CSMD1: variants seen among roughly 807,000 people sequenced by gnomAD.
CSMD1 encodes the protein CUB and Sushi multiple domains 1.
A neutral mutation model predicts 417.5 loss-of-function variants in CSMD1; 213 were observed. That is an observed-to-expected ratio of 0.51 (90% CI 0.46 to 0.57). CSMD1 has a LOEUF of 0.57. Among genes scored for constraint, CSMD1 ranks in the 20% least tolerant of loss-of-function variants. CSMD1 has a pLI of 0.00. For synonymous variants in CSMD1, 2,862 were observed against 1,736.8 expected, an observed-to-expected ratio of 1.65 and a Z score of -16.11; for missense variants, 6,923 against 4,529.7, an observed-to-expected ratio of 1.53 and a Z score of -15.17.
chr8:3,721,428 C>A (rs1360399579), intron 6 of CSMD1, among the ~76,000 whole-genome samples: 1 of 152,100 alleles, frequency 6.6e-6, no homozygotes, highest in Admixed American at 6.6e-5. Flanking sequence ...CCTCAGAAAA[C>A]ATCAAACAGT....
At chr8:4,046,996 G>A (rs757389001) in intron 3 of CSMD1, among the ~76,000 whole-genome samples, 1 of 152,160 alleles carries the variant, frequency 6.6e-6, no homozygotes, top group Non-Finnish European at 1.5e-5. Context: ...AACCCTCCCT[G>A]ATGCATGACT....
chr8:3,851,316 A>G (rs74619559), intron 5 of CSMD1, among the ~76,000 whole-genome samples: 4,866 of 152,318 alleles, frequency 0.032, 126 homozygotes, highest in African/African-American at 0.076. Context: ...TTACACACAT[A>G]AAAGTGGGAA....
intron 3 of CSMD1, among the ~76,000 whole-genome samples, chr8:4,178,811 T>A (rs1479671329): frequency 1.3e-5 from 2 of 151,906 alleles, no homozygotes; most frequent in Non-Finnish European, 2.9e-5. Context: ...AAATCAGGAG[T>A]GAACTCCCAT....
At chr8:4,226,931 T>C (rs533273015) in intron 3 of CSMD1, among the ~76,000 whole-genome samples, 240 of 152,362 alleles carry the variant, frequency 1.6e-3, no homozygotes, top group Non-Finnish European at 2.8e-3. Context: ...TTTCTGTTTT[T>C]ATTTCATAAG....
In CSMD1 at chr8:4,140,391, C is replaced by T. The variant is rs188843478; in HGVS notation, c.416-108292G>A. Among the ~76,000 whole-genome samples the T allele has an allele frequency of 1.3e-3, 197 of 150,844 alleles. 12 individuals carry two copies. The highest frequency in any genetic ancestry group is 4.5e-3 in the African/African-American group (182 of 40,322). On this transcript the variant is annotated intron_variant, in intron 3 of 69. Transcript: ENST00000635120. ...CACATGCCTGTAATCCCAGCTACTT[C>T]GGAGCCTGAAGCAGGAGAATTGCTT...
At chr8:3,429,167 T>G (rs1227453795) in intron 12 of CSMD1, among the ~76,000 whole-genome samples, 3 of 152,134 alleles carry the variant, frequency 2.0e-5, no homozygotes, top group East Asian at 3.9e-4. Context: ...TATTTCAAAA[T>G]AGCTAGAAGA....
intron 4 of CSMD1, among the ~76,000 whole-genome samples, chr8:4,020,160 T>A (rs1014893784): frequency 6.6e-6 from 1 of 152,082 alleles, no homozygotes; most frequent in African/African-American, 2.4e-5. Context: ...CATTTAATCT[T>A]TACAACAGAT....
intron 1 of CSMD1, among the ~76,000 whole-genome samples, chr8:4,950,498 T>C (rs905207835): frequency 1.3e-5 from 2 of 152,174 alleles, no homozygotes; most frequent in African/African-American, 4.8e-5. Flanking sequence ...TCAGCCTACA[T>C]CTATTAAACA....
chr8:3,218,421 C>T (rs1490736279), intron 29 of CSMD1, among the ~76,000 whole-genome samples: 1 of 151,474 alleles, frequency 6.6e-6, no homozygotes, highest in Non-Finnish European at 1.5e-5. Context: ...ATCAGCCGGG[C>T]GTGGTGGCAG....
chr8:3,384,963 T>A (rs1272187691), intron 18 of CSMD1, among the ~76,000 whole-genome samples: 31 of 33,154 alleles, frequency 9.4e-4, no homozygotes, highest in African/African-American at 3.8e-3. Context: ...TAATATATAA[T>A]ATATATGCAT....
At chr8:4,456,212 G>A (rs1799473448) in intron 2 of CSMD1, among the ~76,000 whole-genome samples, 1 of 151,974 alleles carries the variant, frequency 6.6e-6, no homozygotes, top group African/African-American at 2.4e-5. Flanking sequence ...TTTAAAGCTT[G>A]GGCCAATTGG....
chr8:4,682,297 C>T (rs554792781), intron 1 of CSMD1, among the ~76,000 whole-genome samples: 49 of 152,212 alleles, frequency 3.2e-4, no homozygotes, highest in South Asian at 2.5e-3. Context: ...TCCCAAAGTT[C>T]TAGGAATACA....
intron 1 of CSMD1, among the ~76,000 whole-genome samples, chr8:4,691,478 G>T (rs118150813): frequency 6.6e-6 from 1 of 152,064 alleles, no homozygotes; most frequent in Non-Finnish European, 1.5e-5. Flanking sequence ...GGAACTCTCC[G>T]CCTGTGAAGG....
In CSMD1 at chr8:3,488,083, A is replaced by ACAGTATTATTATTAT. The variant is rs1444687771; in HGVS notation, c.1448+5539_1448+5540insATAATAATAATACTG. Among the ~76,000 whole-genome samples, 200 of 122,108 alleles carry ACAGTATTATTATTAT rather than the reference A, an allele frequency of 1.6e-3. 1 individual carries two copies. Among genetic ancestry groups the ACAGTATTATTATTAT allele is most frequent in the African/African-American group, 5.8e-3 (180 of 30,932 alleles). The allele number at this position is 122,108 out of a possible 152,430, so 80.1% of individuals were successfully genotyped here. ...AAACCAAATAAATGTTTAGAAACTC[A>ACAGTATTATTATTAT]TAGTATTATTATTATTATTATTATT... On this transcript the variant is annotated intron_variant, in intron 11 of 69. Coordinates refer to ENST00000635120, the MANE Select transcript of CSMD1 (RefSeq NM_033225.6).
At chr8:4,742,117 G>A (rs183596122) in intron 1 of CSMD1, among the ~76,000 whole-genome samples, 2 of 137,874 alleles carry the variant, frequency 1.5e-5, no homozygotes, top group African/African-American at 2.7e-5. Context: ...TGCAAGCTCC[G>A]CTTCCCGGGT....
intron 5 of CSMD1, among the ~76,000 whole-genome samples, chr8:3,940,536 T>C (rs142224704): frequency 0.067 from 9,909 of 147,888 alleles, 372 homozygotes; most frequent in South Asian, 0.11. Context: ...TGTGTGTGTG[T>C]ATGTATGTGT....
intron 26 of CSMD1, among the ~76,000 whole-genome samples, chr8:3,259,919 A>G (rs941436889): frequency 3.3e-5 from 5 of 152,154 alleles, no homozygotes; most frequent in African/African-American, 1.2e-4. Flanking sequence ...CCACTCATAC[A>G]TGCGTTGTCT....
At chr8:4,051,329 T>G (rs1236789041) in intron 3 of CSMD1, among the ~76,000 whole-genome samples, 2 of 145,006 alleles carry the variant, frequency 1.4e-5, no homozygotes, top group African/African-American at 2.8e-5. Flanking sequence ...AAAAGATATG[T>G]ACAAGTAAAG....
chr8:3,355,077 G>C (rs766505793), intron 21 of CSMD1, among the ~76,000 whole-genome samples: 6 of 151,858 alleles, frequency 4.0e-5, no homozygotes, highest in Admixed American at 6.6e-5. Context: ...CAAAAACTGA[G>C]GATAAGGGTG....
Sources: allele counts gnomAD v4.1 joint callset (sites outside exome capture counted in the v4.1 genomes callset), GRCh38; gene constraint gnomAD v4.1.1; transcripts MANE v1.5; gene names NCBI Gene and HGNC (gene_info 2026-07-23, HGNC 2026-07-21).